The following TPRG1 variants were observed in gnomAD, a reference collection of about 807,000 sequenced individuals.
TPRG1 encodes tumor protein p63-regulated gene 1 protein.
A neutral mutation model predicts 29.3 loss-of-function variants in TPRG1; 29 were observed. The observed-to-expected ratio is 0.99, with a 90% CI of 0.74 to 1.35. TPRG1 has a LOEUF of 1.35. Ranked by LOEUF, TPRG1 falls within the 40% of genes most tolerant of loss-of-function variation. The pLI, the probability that TPRG1 is intolerant of heterozygous loss-of-function variation, is 0.00. For missense variants in TPRG1, 327 were observed against 335.0 expected (o/e 0.98, Z 0.19); for synonymous variants, 130 against 116.8 (o/e 1.11, Z -0.73).
intron 4 of TPRG1, among the ~76,000 whole-genome samples, chr3:189,056,990 G>A (rs1715743495): frequency 6.6e-6 from 1 of 152,106 alleles, no homozygotes; most frequent in African/African-American, 2.4e-5. Flanking sequence ...ACTTCCCCCT[G>A]AGGATAATTT....
At chr3:189,034,725 T>C (rs73048748) in intron 4 of TPRG1, among the ~76,000 whole-genome samples, 13,161 of 152,084 alleles carry the variant, frequency 0.087, 899 homozygotes, top group African/African-American at 0.19. Flanking sequence ...CATTTTCCAC[T>C]GAAGAAGCTA....
intron 4 of TPRG1, among the ~76,000 whole-genome samples, chr3:189,082,327 G>T (rs1462151538): frequency 3.3e-5 from 5 of 152,198 alleles, no homozygotes; most frequent in African/African-American, 1.2e-4. Flanking sequence ...CCCTTGGGAA[G>T]ATTAACCAAG....
chr3:189,021,466 G>T (rs1328502145), intron 3 of TPRG1, among the ~76,000 whole-genome samples: 2 of 151,982 alleles, frequency 1.3e-5, no homozygotes, highest in Admixed American at 6.6e-5. Context: ...GTCTGTAAAG[G>T]ATTTTATTTC....
intron 5 of TPRG1, among the ~76,000 whole-genome samples, chr3:189,318,062 G>A (rs888442522): frequency 1.3e-5 from 2 of 152,128 alleles, no homozygotes; most frequent in Admixed American, 6.6e-5. Context: ...GTCCAGCAGC[G>A]TGACTTCTCA....
intron 4 of TPRG1, among the ~76,000 whole-genome samples, chr3:189,071,697 A>G (rs145051391): frequency 6.6e-6 from 1 of 152,364 alleles, no homozygotes; most frequent in African/African-American, 2.4e-5. Flanking sequence ...CATTAGCCTG[A>G]GGGTATTCAA....
At chr3:189,271,338 A>T (rs537584731) in intron 4 of TPRG1, among the ~76,000 whole-genome samples, 2 of 152,300 alleles carry the variant, frequency 1.3e-5, no homozygotes, top group South Asian at 4.1e-4. Context: ...GTCTGTCAGC[A>T]CTAGTTGACT....
At chr3:189,035,556 A>G (rs150501018) in intron 4 of TPRG1, among the ~76,000 whole-genome samples, 13 of 152,296 alleles carry the variant, frequency 8.5e-5, no homozygotes, top group African/African-American at 3.1e-4. Flanking sequence ...TGTACTATCT[A>G]GAATCTATAA....
chr3:189,039,657 C>T (rs1298625295), intron 4 of TPRG1, among the ~76,000 whole-genome samples: 1 of 152,158 alleles, frequency 6.6e-6, no homozygotes, highest in Middle Eastern at 3.2e-3. Flanking sequence ...GTGAACATTT[C>T]TATTGAAAAC....
chr3:189,320,998 T>C lies in TPRG1; in HGVS notation c.*178T>C. On this transcript the variant is annotated 3_prime_UTR_variant, in exon 6 of 6. Transcript: ENST00000345063. Reference sequence around the variant, plus strand: ...TGATTGGACTGATAGATACACACTTTAGACCTCATACAAGAATAATCAAAT... The same window carrying C: ...TGATTGGACTGATAGATACACACTTCAGACCTCATACAAGAATAATCAAAT... The C allele has an allele frequency of 2.0e-6, 1 of 493,572 alleles. No homozygotes were observed. Among genetic ancestry groups the C allele is most frequent in the Non-Finnish European group, 3.4e-6 (1 of 291,080 alleles). The allele number at this position is 493,572 out of a possible 1,614,324, so 30.6% of individuals were successfully genotyped here. A position where few individuals can be genotyped will look rare whatever the true frequency, so the allele number is the denominator to read the frequency against.
At chr3:189,074,834 C>G (rs754229938) in intron 4 of TPRG1, among the ~76,000 whole-genome samples, 1 of 150,408 alleles carries the variant, frequency 6.6e-6, no homozygotes, top group Non-Finnish European at 1.5e-5. Flanking sequence ...TTTCTTGAGA[C>G]GGAGTCTCGC....
At chr3:189,174,069 C>T in intron 1 of TPRG1, among the ~76,000 whole-genome samples, 1 of 152,144 alleles carries the variant, frequency 6.6e-6, no homozygotes. Flanking sequence ...TTTCTGGGAT[C>T]TTCCTAAATA....
At chr3:189,291,815 C>T (rs914700196) in intron 4 of TPRG1, among the ~76,000 whole-genome samples, 3 of 152,118 alleles carry the variant, frequency 2.0e-5, no homozygotes, top group African/African-American at 7.2e-5. Context: ...ACTGACACAC[C>T]AATTGGGAGA....
chr3:189,272,776 CCT>C (rs1304186030), intron 4 of TPRG1, among the ~76,000 whole-genome samples: 13 of 148,544 alleles, frequency 8.8e-5, no homozygotes. Flanking sequence ...TCCTTCCTTC[CCT>C]CTCTTTCTTT....
chr3:189,241,085 T>G (rs1740501452), intron 4 of TPRG1, among the ~76,000 whole-genome samples: 1 of 152,190 alleles, frequency 6.6e-6, no homozygotes, highest in South Asian at 2.1e-4. Context: ...TGCACAAACA[T>G]GTAATTGTTC....
At chr3:189,041,759 C>T (rs1211956638) in intron 4 of TPRG1, among the ~76,000 whole-genome samples, 1 of 152,080 alleles carries the variant, frequency 6.6e-6, no homozygotes, top group South Asian at 2.1e-4. Context: ...CAAGTGGAGG[C>T]GAAGGGTTGG....
intron 4 of TPRG1, among the ~76,000 whole-genome samples, chr3:189,072,959 A>T (rs1030364197): frequency 6.6e-6 from 1 of 152,162 alleles, no homozygotes; most frequent in Admixed American, 6.5e-5. Context: ...TATGCTTCCC[A>T]AGTTTTTAAG....
At chr3:189,303,284 T>A (rs969617096) in intron 4 of TPRG1, among the ~76,000 whole-genome samples, 1 of 152,184 alleles carries the variant, frequency 6.6e-6, no homozygotes, top group African/African-American at 2.4e-5. Flanking sequence ...TATGTAAGTT[T>A]GAGAATGACT....
At chr3:189,030,769 A>C (rs1713889615) in intron 4 of TPRG1, among the ~76,000 whole-genome samples, 1 of 152,182 alleles carries the variant, frequency 6.6e-6, no homozygotes. Flanking sequence ...CATGCTTCTT[A>C]ACTCATTTAA....
chr3:189,101,810 A>T (rs546491903), intron 1 of TPRG1, among the ~76,000 whole-genome samples: 6 of 151,020 alleles, frequency 4.0e-5, no homozygotes, highest in Non-Finnish European at 8.9e-5. Context: ...ATAATAATAA[A>T]AATTAATAAT....
Sources: allele counts gnomAD v4.1 joint callset (sites outside exome capture counted in the v4.1 genomes callset), GRCh38; gene constraint gnomAD v4.1.1; transcripts MANE v1.5; gene names NCBI Gene and HGNC (gene_info 2026-07-23, HGNC 2026-07-21).